The following MOSPD1 variants were observed in gnomAD, a reference collection of about 807,000 sequenced individuals.
The protein encoded by MOSPD1 is motile sperm domain-containing protein 1.
A neutral mutation model predicts 16.7 loss-of-function variants in MOSPD1; 5 were observed. The observed-to-expected ratio is 0.30, with a 90% CI of 0.16 to 0.63. The LOEUF (loss-of-function observed/expected upper bound fraction) is 0.63. Among genes scored for constraint, MOSPD1 ranks in the 30% least tolerant of loss-of-function variants. The pLI is 0.82. For synonymous variants in MOSPD1, 67 were observed against 59.2 expected (o/e 1.13, Z -0.61); for missense variants, 104 against 153.6 (o/e 0.68, Z 1.71).
intron 4 of MOSPD1, among the ~76,000 whole-genome samples, chrX:134,893,653 T>C (rs959550053): frequency 9.0e-6 from 1 of 111,550 alleles, no homozygotes; most frequent in Non-Finnish European, 1.9e-5. Flanking sequence ...TGTAGAAGAA[T>C]CTTTTACATA....
chrX:134,896,678 T>C (rs921438785), intron 4 of MOSPD1, 139 bp downstream of exon 4: 2 of 483,234 alleles, frequency 4.1e-6, no homozygotes, highest in Non-Finnish European at 7.0e-6. Context: ...TACCTGATTC[T>C]CTAGGTGCAG....
Position 134,896,995 on chromosome X carries a change from A to G in MOSPD1, c.270T>C (p.Gly90=). ...RHRDVRSCHY[G]VIDKFRLQVS... is the part of the protein sequence containing the mutation. ...CTTGGAGACGGAATTTGTCTATTAC[A>G]CCATAGTGACAGGATCGAACATCTC... Residue 90 remains glycine (G), a synonymous_variant, in exon 4 of 6, where the codon GGT becomes GGC. Transcript: ENST00000370783. The G allele has an allele frequency of 8.3e-7, 1 of 1,209,406 alleles. No homozygotes were observed. Among genetic ancestry groups the G allele is most frequent in the Non-Finnish European group, 1.1e-6 (1 of 894,004 alleles).
intron 1 of MOSPD1, chrX:134,899,903 C>T (rs1569468383): frequency 8.9e-6 from 1 of 111,788 alleles, no homozygotes; most frequent in Non-Finnish European, 1.9e-5. Context: ...ATGCAGTGAC[C>T]CGAGATCACA....
At chrX:134,899,904 CGAGA>C (rs1569468388) in intron 1 of MOSPD1, 1 of 111,629 alleles carries the variant, frequency 9.0e-6, no homozygotes, top group Non-Finnish European at 1.9e-5. Context: ...TGCAGTGACC[CGAGA>C]TCACACTGCT....
chrX:134,893,669 G>C (rs963060680), intron 4 of MOSPD1, among the ~76,000 whole-genome samples: 1 of 110,818 alleles, frequency 9.0e-6, no homozygotes, highest in African/African-American at 3.3e-5. Flanking sequence ...ACATAAATAA[G>C]GCCATATTAT....
rs1242233892 is a variant in MOSPD1, at chrX:134,896,839, A to G, written c.426T>C (p.Phe142=). 8.3e-7 allele frequency: 1 copy of G among 1,210,922 alleles called. No individual in the cohort carries two copies. The highest frequency in any genetic ancestry group is 1.7e-5 in the African/African-American group (1 of 57,869). ...TACCTGGTTGAAACGACTGCTCAAA[A>G]AATAAACTTTCAGTTAAATGTTCCT... ...RLKEHLTESL[F]FEQSFQPENR... Residue 142 remains phenylalanine, a synonymous_variant, in exon 4 of 6, where the codon TTT becomes TTC. Transcript: ENST00000370783.
chrX:134,894,740 C>CCAAAA lies in MOSPD1; in HGVS notation c.448+2072_448+2076dup, dbSNP rs374354861. On this transcript the variant is annotated intron_variant, in intron 4 of 5. Coordinates refer to ENST00000370783, the MANE Select transcript of MOSPD1 (RefSeq NM_019556.3). ...GTCATAGCCATGAAAACCTTGTAAG[C>CCAAAA]CAAAACAAAACAAAACAAAAAAACC... 2.7e-3 allele frequency among the ~76,000 whole-genome samples: 302 copies of CCAAAA among 111,547 alleles called. 4 individuals carry two copies. Among genetic ancestry groups the CCAAAA allele is most frequent in the African/African-American group, 9.2e-3 (284 of 30,715 alleles).
intron 5 of MOSPD1, among the ~76,000 whole-genome samples, chrX:134,890,793 A>G (rs2082859250): frequency 9.0e-6 from 1 of 111,236 alleles, no homozygotes; most frequent in Non-Finnish European, 1.9e-5. Context: ...GGGCAACAAG[A>G]GCGAAATTCC....
rs764113393 is a variant in MOSPD1, at chrX:134,899,288, T to C, written c.146A>G (p.Lys49Arg). Residue 49 changes from lysine to arginine, a missense_variant, in exon 2 of 6, where the codon AAG becomes AGG. This residue lies in a region of MOSPD1 where 21 missense variants were observed against 52.6 expected (regional missense o/e 0.40). Coordinates refer to ENST00000370783, the MANE Select transcript of MOSPD1 (RefSeq NM_019556.3). The stretch of plus-strand genomic sequence containing the variant: ...AGAGCTAGGAGACTCACCTTTGAAC[T>C]TTAAGGCAAACTCATAGGGATTGTA... ...TLYNPYEFALKFKVLCTTPNK... is the reference protein window; with the variant it reads ...TLYNPYEFALRFKVLCTTPNK... 4 of 1,179,672 alleles carry C rather than the reference T, an allele frequency of 3.4e-6. No homozygotes were observed. In the South Asian group the frequency reaches 7.9e-5, roughly 23 times the overall value.
At chrX:134,912,800 G>A (rs183739552) in intron 1 of MOSPD1, among the ~76,000 whole-genome samples, 91 of 110,101 alleles carry the variant, frequency 8.3e-4, no homozygotes, top group African/African-American at 2.7e-3. Flanking sequence ...TTAACTGGGC[G>A]TGGTGGCAGG....
chrX:134,911,165 C>T (rs1326923737), intron 1 of MOSPD1, among the ~76,000 whole-genome samples: 2 of 111,954 alleles, frequency 1.8e-5, no homozygotes, highest in African/African-American at 6.5e-5. Context: ...TTTTGCCTGG[C>T]CTTAAGGATT....
intron 5 of MOSPD1, 140 bp downstream of exon 5, chrX:134,891,339 A>T (rs2082861993): frequency 1.9e-6 from 1 of 529,349 alleles, no homozygotes; most frequent in African/African-American, 2.4e-5. Flanking sequence ...AAAGTCTTCA[A>T]AGGCACCTGA....
rs749622072 is a variant in MOSPD1, at chrX:134,892,413, G to A, written c.449-773C>T. Among the ~76,000 whole-genome samples the A allele has an allele frequency of 2.3e-3, 253 of 111,978 alleles. 2 individuals carry two copies. The highest frequency in any genetic ancestry group is 7.6e-3 in the African/African-American group (236 of 30,896). On this transcript the variant is annotated intron_variant, in intron 4 of 5. Coordinates refer to ENST00000370783, the MANE Select transcript of MOSPD1 (RefSeq NM_019556.3). The stretch of plus-strand genomic sequence containing the variant: ...GAAGCAGAGAGCAAAATGGGTGGTT[G>A]CCAGGGGCTGGAGGAGGAGGATAAT...
At position 134,889,433 on chromosome X, in the gene MOSPD1, T is replaced by C. The variant is rs566380746; in HGVS notation, c.611-241A>G. Reference sequence around the variant, plus strand: ...CTAATGTCTGGCCATAGCAAATCTATCTATCAAACATACCTCCTACTTTAT... The same window carrying C: ...CTAATGTCTGGCCATAGCAAATCTACCTATCAAACATACCTCCTACTTTAT... On this transcript the variant is annotated intron_variant, in intron 5 of 5. Coordinates refer to ENST00000370783, the MANE Select transcript of MOSPD1 (RefSeq NM_019556.3). Among the ~76,000 whole-genome samples the C allele has an allele frequency of 3.6e-5, 4 of 111,947 alleles. No homozygotes were observed. In the South Asian group the frequency reaches 1.1e-3, roughly 31 times the overall value.
chrX:134,905,238 G>A (rs954506626), intron 1 of MOSPD1, among the ~76,000 whole-genome samples: 1 of 107,801 alleles, frequency 9.3e-6, no homozygotes, highest in South Asian at 4.1e-4. Flanking sequence ...GCGTGGTGGC[G>A]GGCGCCTGTA....
chrX:134,911,028 T>C (rs1447841279), intron 1 of MOSPD1, among the ~76,000 whole-genome samples: 1 of 112,226 alleles, frequency 8.9e-6, no homozygotes, highest in African/African-American at 3.2e-5. Context: ...CACTTAAGGA[T>C]TTTTTCTTTT....
chrX:134,913,032 A>C (rs1454534017), intron 1 of MOSPD1, among the ~76,000 whole-genome samples: 1 of 110,963 alleles, frequency 9.0e-6, no homozygotes, highest in Non-Finnish European at 1.9e-5. Flanking sequence ...TGAGGTCAGG[A>C]GTTCGAGACC....
intron 4 of MOSPD1, among the ~76,000 whole-genome samples, chrX:134,892,643 T>C (rs1430966202): frequency 8.9e-6 from 1 of 112,386 alleles, no homozygotes; most frequent in Non-Finnish European, 1.9e-5. Flanking sequence ...CCTGTAATCC[T>C]AGCACTTTGG....
intron 4 of MOSPD1, among the ~76,000 whole-genome samples, chrX:134,892,270 A>G (rs184111529): frequency 8.9e-6 from 1 of 112,375 alleles, no homozygotes; most frequent in Non-Finnish European, 1.9e-5. Flanking sequence ...TTTATAGTAA[A>G]GAAGAAAACA....
Sources: allele counts gnomAD v4.1 joint callset (sites outside exome capture counted in the v4.1 genomes callset), GRCh38; gene constraint gnomAD v4.1.1; regional missense constraint gnomAD v4.1.1; transcripts MANE v1.5; gene names NCBI Gene and HGNC (gene_info 2026-07-23, HGNC 2026-07-21).